PALS2: variants seen among roughly 807,000 people sequenced by gnomAD.
PALS2 encodes protein PALS2.
A neutral mutation model predicts 61.6 loss-of-function variants in PALS2; 27 were observed. The ratio of observed to expected loss-of-function variants is 0.44; its 90% CI spans 0.32 to 0.60. PALS2 has a LOEUF of 0.60. PALS2 is among the 20% of genes least tolerant of loss of function. PALS2 has a pLI of 0.05. For missense variants in PALS2, 554 were observed against 639.4 expected, an observed-to-expected ratio of 0.87 and a Z score of 1.44; for synonymous variants, 236 against 218.6, an observed-to-expected ratio of 1.08 and a Z score of -0.70.
chr7:24,687,754 G>C lies in PALS2; in HGVS notation c.*140G>C, dbSNP rs1215768297. On this transcript the variant is annotated 3_prime_UTR_variant, in exon 12 of 12. Transcript: ENST00000222644. This position sits in a 1 kb window ranked among gnomAD's most constrained non-coding sequence, Gnocchi z 4.5. ...TTTTATGGTGTAGATTGAAATAATA[G>C]TACACTTCTGAATTTTTATATAAAA... 5.6e-6 allele frequency: 4 copies of C among 712,488 alleles called. No individual in the cohort carries two copies. Among genetic ancestry groups the C allele is most frequent in the Non-Finnish European group, 8.4e-6 (4 of 476,752 alleles). 44.1% of individuals were successfully genotyped at this position (712,488 alleles called of 1,614,324 possible).
Position 24,693,453 on chromosome 7 carries a change from C to T in PALS2, c.*5839C>T, listed in dbSNP as rs1264736115. 2 of 152,082 alleles carry T rather than the reference C, an allele frequency of 1.3e-5. No individual in the cohort carries two copies. The highest frequency in any genetic ancestry group is 2.9e-5 in the Non-Finnish European group (2 of 67,986). The allele number at this position is 152,082 out of a possible 1,614,324, so 9.4% of individuals were successfully genotyped here. On this transcript the variant is annotated 3_prime_UTR_variant, in exon 12 of 12. Transcript: ENST00000222644. ...GTAAAAACTCATCAGCTGTAAATTACCAACATTAAACCAGAAGTCATTACC... is the reference window on the plus strand; with the variant it reads ...GTAAAAACTCATCAGCTGTAAATTATCAACATTAAACCAGAAGTCATTACC...
chr7:24,653,367 A>G (rs998745025), intron 5 of PALS2, among the ~76,000 whole-genome samples: 2 of 144,334 alleles, frequency 1.4e-5, no homozygotes, highest in East Asian at 4.2e-4. Context: ...AATTAGGAAC[A>G]GAAGGGAAAA....
chr7:24,667,608 T>G (rs1308000597), intron 8 of PALS2, among the ~76,000 whole-genome samples: 2 of 151,762 alleles, frequency 1.3e-5, no homozygotes, highest in African/African-American at 4.8e-5. Context: ...GGATAGAATC[T>G]CTGATAAGTA....
chr7:24,610,512 T>C (rs1194947264), intron 1 of PALS2, among the ~76,000 whole-genome samples: 2 of 152,204 alleles, frequency 1.3e-5, no homozygotes, highest in East Asian at 3.8e-4. Flanking sequence ...CCTACTTTTC[T>C]TTGATTCAAT....
At chr7:24,586,594 G>A (rs1273650439) in intron 1 of PALS2, among the ~76,000 whole-genome samples, 1 of 152,156 alleles carries the variant, frequency 6.6e-6, no homozygotes, top group Non-Finnish European at 1.5e-5. Flanking sequence ...AGGAATAAGA[G>A]TGCATTAGGT....
intron 1 of PALS2, among the ~76,000 whole-genome samples, chr7:24,575,680 T>G (rs1214301823): frequency 6.6e-6 from 1 of 152,242 alleles, no homozygotes; most frequent in Non-Finnish European, 1.5e-5. Context: ...TTTCATATTT[T>G]TGACATCTGA....
At chr7:24,586,973 C>T (rs913751386) in intron 1 of PALS2, among the ~76,000 whole-genome samples, 1 of 150,482 alleles carries the variant, frequency 6.6e-6, no homozygotes, top group Non-Finnish European at 1.5e-5. Context: ...TCCCCGCCCG[C>T]CCTGCCCCCC....
In PALS2 at chr7:24,650,528, G is replaced by A. The variant is rs1210478719; in HGVS notation, c.467G>A (p.Arg156Gln). 1.9e-6 allele frequency: 3 copies of A among 1,609,886 alleles called. No homozygotes were observed. The highest frequency in any genetic ancestry group is 1.3e-5 in the African/African-American group (1 of 74,712). The change falls in exon 5 of 12, where the codon CGA becomes CAA. Residue 156 changes from arginine (R) to glutamine (Q), a missense_variant. Coordinates refer to ENST00000222644, the MANE Select transcript of PALS2 (RefSeq NM_001303037.2). ...GAAAATAATGATCTGGTAATTGCCC[G>A]AATCCTCCATGGGGGAATGATAGAT... ...RVENNDLVIA[R>Q]ILHGGMIDRQ...
In PALS2 at chr7:24,609,766, T is replaced by C. The variant is rs1487035714; in HGVS notation, c.-2-13900T>C. ...CTCCCCAAAGAGAACAAACCCCCAC[T>C]GTCTTTGGAAAGAAGTTTGTGGTAT... On this transcript the variant is annotated intron_variant, in intron 1 of 11. Coordinates refer to ENST00000222644, the MANE Select transcript of PALS2 (RefSeq NM_001303037.2). 2.0e-5 allele frequency among the ~76,000 whole-genome samples: 3 copies of C among 152,128 alleles called. No individual in the cohort carries two copies. In the East Asian group the frequency reaches 5.8e-4, roughly 29 times the overall value.
chr7:24,671,179 C>T (rs1490570036), intron 9 of PALS2, among the ~76,000 whole-genome samples: 1 of 152,222 alleles, frequency 6.6e-6, no homozygotes, highest in Non-Finnish European at 1.5e-5. Flanking sequence ...TCTACATCCT[C>T]ACCAACATTT....
At chr7:24,601,510 C>A (rs34418982) in intron 1 of PALS2, among the ~76,000 whole-genome samples, 17,887 of 152,066 alleles carry the variant, frequency 0.12, 1,525 homozygotes, top group East Asian at 0.46. Context: ...TGTCACCGAT[C>A]TTCTTAGAAA....
chr7:24,652,790 A>G (rs956075054), intron 5 of PALS2, among the ~76,000 whole-genome samples: 2 of 152,192 alleles, frequency 1.3e-5, no homozygotes, highest in African/African-American at 4.8e-5. Flanking sequence ...GCAAGAGCAA[A>G]TGAAAGCCAA....
At chr7:24,652,080 ACCTTTATT>A (rs1276531868) in intron 5 of PALS2, among the ~76,000 whole-genome samples, 3 of 152,190 alleles carry the variant, frequency 2.0e-5, no homozygotes, top group African/African-American at 7.2e-5. Flanking sequence ...CTCTCAGGCT[ACCTTTATT>A]CCTCAGTTGG....
At chr7:24,629,705 C>G (rs1784911675) in intron 2 of PALS2, among the ~76,000 whole-genome samples, 1 of 152,130 alleles carries the variant, frequency 6.6e-6, no homozygotes, top group African/African-American at 2.4e-5. Context: ...GACATTTATG[C>G]AGCCAGCAGA....
At chr7:24,576,590 T>A (rs1051370744) in intron 1 of PALS2, among the ~76,000 whole-genome samples, 1 of 152,216 alleles carries the variant, frequency 6.6e-6, no homozygotes, top group African/African-American at 2.4e-5. Flanking sequence ...GCCTCTAACA[T>A]AATGAAAGAT....
chr7:24,625,968 G>A (rs1784725225), intron 2 of PALS2, among the ~76,000 whole-genome samples: 1 of 152,072 alleles, frequency 6.6e-6, no homozygotes, highest in African/African-American at 2.4e-5. Context: ...AAGGAAAAAA[G>A]AGGCACACAT....
intron 1 of PALS2, among the ~76,000 whole-genome samples, chr7:24,587,456 C>A (rs1432582344): frequency 2.0e-5 from 3 of 151,892 alleles, no homozygotes; most frequent in Non-Finnish European, 4.4e-5. Flanking sequence ...TAGCTCACTG[C>A]AACCTTAAAT....
At chr7:24,594,673 TG>T (rs1238832465) in intron 1 of PALS2, among the ~76,000 whole-genome samples, 1 of 152,200 alleles carries the variant, frequency 6.6e-6, no homozygotes, top group East Asian at 1.9e-4. Context: ...CTGTCTTATA[TG>T]GGGGTGATTC....
At position 24,693,717 on chromosome 7, in the gene PALS2, C is replaced by G. The variant is rs1171111597; in HGVS notation, c.*6103C>G. The G allele has an allele frequency of 6.6e-6, 1 of 152,096 alleles. No homozygotes were observed. The allele number at this position is 152,096 out of a possible 1,614,324, so 9.4% of individuals were successfully genotyped here. Reference sequence around the variant, plus strand: ...TTTTAAAAAGAACTGCTGACTGGCTCCTGTCTCTTCAGTAACACTGATTTT... The same window carrying G: ...TTTTAAAAAGAACTGCTGACTGGCTGCTGTCTCTTCAGTAACACTGATTTT... On this transcript the variant is annotated 3_prime_UTR_variant, in exon 12 of 12. Transcript: ENST00000222644.
Sources: gnomAD v4.1 joint callset for allele counts (sites outside exome capture counted in the v4.1 genomes callset) on GRCh38, gnomAD v4.1.1 for gene constraint, Gnocchi (gnomAD v3.1) non-coding constraint, MANE v1.5 for transcripts, NCBI Gene and HGNC (gene_info 2026-07-23, HGNC 2026-07-21) for gene names.